The following CLPB variants were observed in gnomAD, a reference collection of about 807,000 sequenced individuals.
CLPB encodes mitochondrial disaggregase.
A neutral mutation model predicts 78.4 loss-of-function variants in CLPB; 40 were observed. The observed-to-expected ratio is 0.51, with a 90% CI of 0.40 to 0.66. The LOEUF is 0.66. Among genes scored for constraint, CLPB ranks in the 30% least tolerant of loss-of-function variants. The pLI, the probability that CLPB is intolerant of heterozygous loss-of-function variation, is 0.00. For synonymous variants in CLPB, 333 were observed against 348.0 expected, an observed-to-expected ratio of 0.96 and a Z score of 0.48; for missense variants, 780 against 886.9, an observed-to-expected ratio of 0.88 and a Z score of 1.53.
At chr11:72,339,326 TA>T (rs1950376215) in intron 5 of CLPB, among the ~76,000 whole-genome samples, 2 of 152,164 alleles carry the variant, frequency 1.3e-5, no homozygotes, top group Non-Finnish European at 2.9e-5. Flanking sequence ...AAAAATAGTT[TA>T]AGGAAGTAGA....
chr11:72,373,966 A>G (rs1439275269), intron 4 of CLPB, among the ~76,000 whole-genome samples: 1 of 150,554 alleles, frequency 6.6e-6, no homozygotes, highest in Non-Finnish European at 1.5e-5. Flanking sequence ...GTCTCAAAAA[A>G]AAAAAAAAAA....
chr11:72,293,921 C>A, intron 15 of CLPB, 101 bp downstream of exon 15: 1 of 1,034,488 alleles, frequency 9.7e-7, no homozygotes. Flanking sequence ...TATCCAGCAA[C>A]CAAGCTATAG....
intron 2 of CLPB, among the ~76,000 whole-genome samples, chr11:72,405,902 C>T (rs575561900): frequency 4.6e-5 from 7 of 151,128 alleles, no homozygotes; most frequent in African/African-American, 9.7e-5. Flanking sequence ...CACGCCAGCC[C>T]GGGCGACAGA....
chr11:72,352,276 A>C (rs940281826), intron 5 of CLPB, among the ~76,000 whole-genome samples: 1 of 152,190 alleles, frequency 6.6e-6, no homozygotes, highest in Non-Finnish European at 1.5e-5. Flanking sequence ...TAAACATTTT[A>C]ACTATCTTTC....
At chr11:72,395,692 C>G (rs1047720298) in intron 3 of CLPB, among the ~76,000 whole-genome samples, 1 of 152,198 alleles carries the variant, frequency 6.6e-6, no homozygotes, top group East Asian at 1.9e-4. Flanking sequence ...CTCTACAGCA[C>G]GAAGCCAGAC....
intron 6 of CLPB, among the ~76,000 whole-genome samples, chr11:72,322,988 T>C (rs1950070088): frequency 6.6e-6 from 1 of 152,156 alleles, no homozygotes; most frequent in Non-Finnish European, 1.5e-5. Flanking sequence ...GACAGAACAG[T>C]AACCCTTGTA....
intron 7 of CLPB, among the ~76,000 whole-genome samples, chr11:72,308,905 G>C (rs1444047914): frequency 1.3e-5 from 2 of 152,184 alleles, no homozygotes; most frequent in Admixed American, 6.5e-5. Flanking sequence ...GGAGGTGAAG[G>C]GGGTGGGGGA....
chr11:72,307,170 G>A, intron 9 of CLPB, 29 bp downstream of exon 9: 1 of 1,605,910 alleles, frequency 6.2e-7, no homozygotes, highest in Non-Finnish European at 8.5e-7. Flanking sequence ...TCCACGATCT[G>A]CAGATCAGAC....
chr11:72,306,460 C>T lies in CLPB; in HGVS notation c.1122+739G>A, dbSNP rs563647302. On this transcript the variant is annotated intron_variant, in intron 9 of 15. Transcript: ENST00000538039. Reference sequence around the variant, plus strand: ...GGCTGGTAGGAGAATGTTTGGCTTTCAGTGAAATGTTTTTGCACTCTCTCC... The same window carrying T: ...GGCTGGTAGGAGAATGTTTGGCTTTTAGTGAAATGTTTTTGCACTCTCTCC... Among the ~76,000 whole-genome samples the T allele has an allele frequency of 1.4e-4, 22 of 152,340 alleles. No homozygotes were observed. In the South Asian group the frequency reaches 4.3e-3, roughly 30 times the overall value.
intron 5 of CLPB, chr11:72,354,277 GTATA>G (rs57178829): frequency 9.9e-3 from 3,561 of 360,198 alleles, no homozygotes; most frequent in Middle Eastern, 0.013. Context: ...GTGTGTGTGT[GTATA>G]TATATATATA....
At chr11:72,391,003 A>G (rs1166105029) in intron 3 of CLPB, among the ~76,000 whole-genome samples, 1 of 152,272 alleles carries the variant, frequency 6.6e-6, no homozygotes, top group Non-Finnish European at 1.5e-5. Context: ...CTGGATATAC[A>G]TGCAACAACA....
intron 2 of CLPB, among the ~76,000 whole-genome samples, chr11:72,412,830 A>G (rs17162150): frequency 0.1 from 15,408 of 152,304 alleles, 1,350 homozygotes; most frequent in African/African-American, 0.24. Context: ...TTGCTGGATC[A>G]ACTGAATAAA....
At chr11:72,303,902 G>A (rs781703266) in intron 9 of CLPB, 3 of 152,180 alleles carry the variant, frequency 2.0e-5, no homozygotes, top group African/African-American at 4.8e-5. Flanking sequence ...GGTCACCTGC[G>A]CTTGGCAATT....
chr11:72,295,558 G>A lies in CLPB; in HGVS notation c.1420C>T (p.Gln474Ter). 6.2e-7 allele frequency: 1 copy of A among 1,614,234 alleles called. No homozygotes were observed. Among genetic ancestry groups the A allele is most frequent in the East Asian group, 2.2e-5 (1 of 44,886 alleles). Residue 474 changes from glutamine (Q) to a stop codon, truncating the protein, a stop_gained, in exon 12 of 16, where the codon CAG (glutamine) becomes TAG (stop). Transcript: ENST00000538039. LOFTEE classifies it high-confidence loss of function. ...TCCTGCCTCAGCTGCAGCGCGTGCT[G>A]TGCGATCTCGTCGCTGGCCACATTG... ...TSNVASDEIAQHALQLRQEAL... is the reference protein window; with the variant it reads ...TSNVASDEIA
intron 7 of CLPB, among the ~76,000 whole-genome samples, chr11:72,315,508 G>A (rs920962544): frequency 7.9e-5 from 12 of 152,216 alleles, no homozygotes; most frequent in Non-Finnish European, 1.6e-4. Flanking sequence ...TGAGGCTGAC[G>A]CTTTATCTCC....
chr11:72,287,994 C>G lies in CLPB; in HGVS notation c.*5373G>C, dbSNP rs935083060. 6.6e-6 allele frequency: 1 copy of G among 151,758 alleles called. No homozygotes were observed. The allele number at this position is 151,758 out of a possible 1,614,324, so 9.4% of individuals were successfully genotyped here. Reference sequence around the variant, plus strand: ...CTACCTTGTTAAGTTTAGCTTTTATCTTTATTGGTCCATTTTCTATTTTTT... The same window carrying G: ...CTACCTTGTTAAGTTTAGCTTTTATGTTTATTGGTCCATTTTCTATTTTTT... On this transcript the variant is annotated 3_prime_UTR_variant, in exon 16 of 16. Transcript: ENST00000538039.
intron 2 of CLPB, among the ~76,000 whole-genome samples, chr11:72,409,671 T>C (rs1303391592): frequency 6.6e-6 from 1 of 151,086 alleles, no homozygotes; most frequent in Non-Finnish European, 1.5e-5. Context: ...GCAGCAAAGA[T>C]CTCGTTTCAA....
At chr11:72,386,242 T>A (rs985770681) in intron 3 of CLPB, among the ~76,000 whole-genome samples, 4 of 152,218 alleles carry the variant, frequency 2.6e-5, no homozygotes, top group Admixed American at 2.6e-4. Flanking sequence ...AGGATGAATT[T>A]TTTTAAAATA....
chr11:72,299,569 C>T (rs1226551541), intron 11 of CLPB, among the ~76,000 whole-genome samples: 1 of 151,926 alleles, frequency 6.6e-6, no homozygotes, highest in Non-Finnish European at 1.5e-5. Context: ...TACTGCCAGC[C>T]CCGCCACTCT....
Sources: allele counts gnomAD v4.1 joint callset (sites outside exome capture counted in the v4.1 genomes callset), GRCh38; gene constraint gnomAD v4.1.1; transcripts MANE v1.5; gene names NCBI Gene and HGNC (gene_info 2026-07-23, HGNC 2026-07-21).